The following UBE2E2 variants were observed in gnomAD, a reference collection of about 807,000 sequenced individuals.
UBE2E2 encodes ubiquitin-conjugating enzyme E2 E2.
Under a neutral mutation model 24.7 loss-of-function variants are expected in UBE2E2, and 6 were observed. The ratio of observed to expected loss-of-function variants is 0.24; its 90% CI spans 0.13 to 0.48. The LOEUF (loss-of-function observed/expected upper bound fraction) is 0.48, where lower values mean the gene tolerates loss of function less well. Ranked by LOEUF, UBE2E2 falls within the 20% of genes least tolerant of loss-of-function variation. The probability of loss-of-function intolerance (pLI) is 0.99; values close to 1 mark genes in which losing one functional copy is unlikely to be tolerated. For missense variants in UBE2E2, 169 were observed against 245.0 expected, an observed-to-expected ratio of 0.69 and a Z score of 2.07; for synonymous variants, 104 against 83.6, an observed-to-expected ratio of 1.24 and a Z score of -1.33.
Position 23,498,189 on chromosome 3 carries a change from C to CAAAT in UBE2E2, c.228-1417_228-1414dup, listed in dbSNP as rs527437440. 2.7e-4 allele frequency among the ~76,000 whole-genome samples: 41 copies of CAAAT among 152,014 alleles called. No individual in the cohort carries two copies. The South Asian group carries it at 8.5e-3, about 32-fold the overall frequency. ...AGTATTTGGTCACTTTTATATGATC[C>CAAAT]AAATATCTTTTCTGTTTGCAGCTTG... On this transcript the variant is annotated intron_variant, in intron 3 of 5. Coordinates refer to ENST00000396703, the MANE Select transcript of UBE2E2 (RefSeq NM_152653.4).
At chr3:23,301,562 G>T (rs954745315) in intron 3 of UBE2E2, among the ~76,000 whole-genome samples, 1 of 152,204 alleles carries the variant, frequency 6.6e-6, no homozygotes, top group Non-Finnish European at 1.5e-5. Flanking sequence ...GACCCTGTTT[G>T]CCTGGGTCTC....
chr3:23,245,918 C>T (rs1451110080), intron 3 of UBE2E2, among the ~76,000 whole-genome samples: 1 of 152,076 alleles, frequency 6.6e-6, no homozygotes, highest in Non-Finnish European at 1.5e-5. Flanking sequence ...AGGTTGAACA[C>T]TTAATGGATA....
chr3:23,344,736 G>A (rs1015935855), intron 3 of UBE2E2, among the ~76,000 whole-genome samples: 1 of 151,770 alleles, frequency 6.6e-6, no homozygotes, highest in African/African-American at 2.4e-5. Context: ...ACTAAGTGAG[G>A]TGGTGTGTGC....
In UBE2E2 at chr3:23,480,820, T is replaced by G. The variant is rs145693078; in HGVS notation, c.228-18788T>G. 2.5e-3 allele frequency among the ~76,000 whole-genome samples: 384 copies of G among 152,294 alleles called. 4 individuals are homozygous for G. The highest frequency in any genetic ancestry group is 8.9e-3 in the African/African-American group (368 of 41,574). On this transcript the variant is annotated intron_variant, in intron 3 of 5. Transcript: ENST00000396703. ...GAAATAGAGGAAAGGGCCTTATATG[T>G]AGCAAAATAAAAATGAAACTAAGCA... is the stretch of plus-strand genomic sequence containing the variant.
At chr3:23,355,243 G>A (rs57807736) in intron 3 of UBE2E2, among the ~76,000 whole-genome samples, 1 of 143,930 alleles carries the variant, frequency 6.9e-6, no homozygotes, top group Non-Finnish European at 1.5e-5. Flanking sequence ...GTTGGGGGAG[G>A]GGGGAGGGAT....
At chr3:23,318,790 C>T (rs1575558008) in intron 3 of UBE2E2, among the ~76,000 whole-genome samples, 1 of 152,118 alleles carries the variant, frequency 6.6e-6, no homozygotes, top group East Asian at 1.9e-4. Context: ...AGTTAGCATT[C>T]AAGATGAAAT....
intron 5 of UBE2E2, among the ~76,000 whole-genome samples, chr3:23,567,283 C>T (rs973505312): frequency 1.3e-5 from 2 of 152,136 alleles, no homozygotes; most frequent in Non-Finnish European, 2.9e-5. Flanking sequence ...TGCCCACTTA[C>T]TTGGCTGAGG....
chr3:23,452,361 G>C (rs1270882099), intron 3 of UBE2E2, among the ~76,000 whole-genome samples: 1 of 151,854 alleles, frequency 6.6e-6, no homozygotes, highest in East Asian at 1.9e-4. Context: ...TTTTCTGTTA[G>C]TGAGTAGACT....
chr3:23,456,573 G>A (rs566543802), intron 3 of UBE2E2, among the ~76,000 whole-genome samples: 1 of 152,312 alleles, frequency 6.6e-6, no homozygotes, highest in African/African-American at 2.4e-5. Flanking sequence ...ATCTCCACCA[G>A]AGCTCTTCGG....
chr3:23,551,595 A>G (rs1038194017), intron 5 of UBE2E2, among the ~76,000 whole-genome samples: 1 of 152,354 alleles, frequency 6.6e-6, no homozygotes, highest in South Asian at 2.1e-4. Context: ...CAGAAACAAT[A>G]TGTTGCCTCA....
chr3:23,395,815 T>C (rs1471375537), intron 3 of UBE2E2, among the ~76,000 whole-genome samples: 1 of 152,174 alleles, frequency 6.6e-6, no homozygotes, highest in Admixed American at 6.6e-5. Flanking sequence ...TAAGCAGGTG[T>C]GTGATGATTA....
intron 3 of UBE2E2, among the ~76,000 whole-genome samples, chr3:23,447,235 G>A (rs1327457853): frequency 1.3e-5 from 2 of 151,990 alleles, no homozygotes; most frequent in Non-Finnish European, 2.9e-5. Context: ...CCTGTCCCTT[G>A]GTGCCTGTGT....
chr3:23,268,960 C>T (rs969102427), intron 3 of UBE2E2, among the ~76,000 whole-genome samples: 54 of 152,144 alleles, frequency 3.5e-4, no homozygotes, highest in Middle Eastern at 3.4e-3. Flanking sequence ...GGAAAGGATT[C>T]CCTATTTAAT....
In UBE2E2 at chr3:23,590,657, A is replaced by G. The variant is rs1696740186; in HGVS notation, c.*826A>G. 1 of 152,516 alleles carries G rather than the reference A, an allele frequency of 6.6e-6. No individual in the cohort carries two copies. 9.4% of individuals were successfully genotyped at this position (152,516 alleles called of 1,614,324 possible). A position where few individuals can be genotyped will look rare whatever the true frequency, so the allele number is the denominator to read the frequency against. On this transcript the variant is annotated 3_prime_UTR_variant, in exon 6 of 6. Coordinates refer to ENST00000396703, the MANE Select transcript of UBE2E2 (RefSeq NM_152653.4). ...CGTGCAGTGAGGCTTGTCTAATTCA[A>G]TTACAGGTTCAAGTGTATTTTTCAT... is the stretch of plus-strand genomic sequence containing the variant.
chr3:23,433,859 G>A (rs1057197083), intron 3 of UBE2E2, among the ~76,000 whole-genome samples: 42 of 151,980 alleles, frequency 2.8e-4, no homozygotes, highest in Admixed American at 2.5e-3. Flanking sequence ...TGTAAAATAC[G>A]GGAATACATG....
chr3:23,451,752 C>T (rs1698566654), intron 3 of UBE2E2, among the ~76,000 whole-genome samples: 1 of 151,914 alleles, frequency 6.6e-6, no homozygotes, highest in Non-Finnish European at 1.5e-5. Flanking sequence ...TTTTTATGAG[C>T]GAGGAATATG....
intron 3 of UBE2E2, among the ~76,000 whole-genome samples, chr3:23,428,194 A>C (rs772136667): frequency 4.6e-5 from 7 of 152,236 alleles, no homozygotes; most frequent in Non-Finnish European, 8.8e-5. Context: ...AACTAATTTT[A>C]AAAATGCTGT....
In UBE2E2 at chr3:23,392,809, A is replaced by G. The variant is rs557479441; in HGVS notation, c.228-106799A>G. On this transcript the variant is annotated intron_variant, in intron 3 of 5. Transcript: ENST00000396703. ...GAAGGGTCAAGAATGACTTTCCTTG[A>G]GATATGATATGGGTCTGAGAAGTGA... Among the ~76,000 whole-genome samples the G allele has an allele frequency of 1.8e-4, 27 of 152,276 alleles. 1 individual carries two copies. Among genetic ancestry groups the G allele is most frequent in the Non-Finnish European group, 1.3e-4 (9 of 68,024 alleles).
intron 5 of UBE2E2, among the ~76,000 whole-genome samples, chr3:23,582,280 GT>G (rs1559429237): frequency 1.3e-5 from 2 of 152,016 alleles, no homozygotes; most frequent in South Asian, 4.2e-4. Flanking sequence ...ATATACCACG[GT>G]TTTTTTCTTT....
Sources: allele counts gnomAD v4.1 joint callset (sites outside exome capture counted in the v4.1 genomes callset), GRCh38; gene constraint gnomAD v4.1.1; transcripts MANE v1.5; gene names NCBI Gene and HGNC (gene_info 2026-07-23, HGNC 2026-07-21).